The following XPO7 variants were observed in gnomAD, a reference collection of about 807,000 sequenced individuals.
XPO7 encodes exportin 7.
A neutral mutation model predicts 144.3 loss-of-function variants in XPO7; 21 were observed. The observed-to-expected ratio is 0.15, with a 90% confidence interval of 0.10 to 0.21. The LOEUF is 0.21. XPO7 is among the 10% of genes least tolerant of loss of function. The pLI, the probability that XPO7 is intolerant of heterozygous loss-of-function variation, is 1.00. For missense variants in XPO7, 808 were observed against 1,325.8 expected (o/e 0.61, Z 6.06); for synonymous variants, 580 against 499.6 (o/e 1.16, Z -2.15).
chr8:21,974,335 G>A (rs1812161140), intron 5 of XPO7, among the ~76,000 whole-genome samples: 1 of 151,968 alleles, frequency 6.6e-6, no homozygotes, highest in Non-Finnish European at 1.5e-5. Context: ...GGCCCATTAA[G>A]CCACAGTACA....
chr8:21,962,299 G>C (rs1426618688), intron 1 of XPO7, among the ~76,000 whole-genome samples: 7 of 152,150 alleles, frequency 4.6e-5, no homozygotes, highest in Admixed American at 2.6e-4. Context: ...TAAACAAGAA[G>C]AAACCTTGAA....
intron 1 of XPO7, among the ~76,000 whole-genome samples, chr8:21,941,220 C>G (rs1051120296): frequency 3.3e-5 from 5 of 151,738 alleles, no homozygotes; most frequent in Non-Finnish European, 7.4e-5. Context: ...TCACTGCTGC[C>G]TTGACCACGC....
At chr8:21,941,013 C>G (rs1468843524) in intron 1 of XPO7, among the ~76,000 whole-genome samples, 1 of 152,072 alleles carries the variant, frequency 6.6e-6, no homozygotes, top group East Asian at 1.9e-4. Context: ...TACAGTCATG[C>G]CTTGGTGTCT....
At chr8:21,927,270 G>A (rs992166202) in intron 1 of XPO7, among the ~76,000 whole-genome samples, 6 of 151,896 alleles carry the variant, frequency 4.0e-5, no homozygotes, top group Non-Finnish European at 7.4e-5. Context: ...AATAAAATAA[G>A]GACATTATCC....
Position 21,971,347 on chromosome 8 carries a change from C to T in XPO7, c.427-529C>T, listed in dbSNP as rs187844455. The stretch of plus-strand genomic sequence containing the variant: ...ACAGTTGATAAGAGGACCTGCTTAC[C>T]TCAGCCCTGGAAGCTAAACTTAATT... On this transcript the variant is annotated intron_variant, in intron 4 of 27. Coordinates refer to ENST00000252512, the MANE Select transcript of XPO7 (RefSeq NM_015024.5). 2.3e-3 allele frequency among the ~76,000 whole-genome samples: 345 copies of T among 152,306 alleles called. 1 individual carries two copies. Among genetic ancestry groups the T allele is most frequent in the African/African-American group, 8.0e-3 (333 of 41,570 alleles).
chr8:22,004,525 C>T (rs1193947334), intron 27 of XPO7, among the ~76,000 whole-genome samples: 1 of 152,032 alleles, frequency 6.6e-6, no homozygotes, highest in Non-Finnish European at 1.5e-5. Flanking sequence ...TAAAACAAGG[C>T]ATTTTAATTT....
rs768491704 is a variant in XPO7, at chr8:22,004,982, A to T, written c.3171-13A>T. 1 of 1,516,088 alleles carries T rather than the reference A, an allele frequency of 6.6e-7. No individual in the cohort carries two copies. Among genetic ancestry groups the T allele is most frequent in the South Asian group, 1.1e-5 (1 of 87,036 alleles). 93.9% of individuals were successfully genotyped at this position (1,516,088 alleles called of 1,614,324 possible). ...CACTCTCCTCCCCCAACCCACATGC[A>T]TCCTCTCTGCAGGTTCACCCAGAAC... On this transcript the variant is annotated splice_polypyrimidine_tract_variant and intron_variant, in intron 27 of 27. Transcript: ENST00000252512.
At chr8:21,948,271 C>T (rs1811256734) in intron 1 of XPO7, among the ~76,000 whole-genome samples, 1 of 152,174 alleles carries the variant, frequency 6.6e-6, no homozygotes, top group African/African-American at 2.4e-5. Flanking sequence ...TTCCTGTTGC[C>T]TAGTGACATA....
intron 1 of XPO7, among the ~76,000 whole-genome samples, chr8:21,963,725 C>T (rs1485012628): frequency 6.6e-6 from 1 of 151,692 alleles, no homozygotes; most frequent in South Asian, 2.1e-4. Context: ...AACCATTGGG[C>T]TATTTAAAGA....
At chr8:21,949,645 A>G (rs1430181182) in intron 1 of XPO7, among the ~76,000 whole-genome samples, 1 of 152,224 alleles carries the variant, frequency 6.6e-6, no homozygotes, top group Non-Finnish European at 1.5e-5. Flanking sequence ...TCTTTCCCCC[A>G]TATAACAACA....
At chr8:21,936,499 A>T (rs1379586216) in intron 1 of XPO7, among the ~76,000 whole-genome samples, 1 of 152,250 alleles carries the variant, frequency 6.6e-6, no homozygotes, top group Non-Finnish European at 1.5e-5. Context: ...TCAAAAGATT[A>T]ATCTCCCAAT....
At chr8:21,926,976 C>T (rs1277535135) in intron 1 of XPO7, among the ~76,000 whole-genome samples, 1 of 152,152 alleles carries the variant, frequency 6.6e-6, no homozygotes, top group Non-Finnish European at 1.5e-5. Context: ...ACCTTGTTTT[C>T]CTTAGTCTTA....
chr8:21,936,142 C>G (rs1288229837), intron 1 of XPO7, among the ~76,000 whole-genome samples: 4 of 152,172 alleles, frequency 2.6e-5, no homozygotes, highest in African/African-American at 9.7e-5. Context: ...AACCCTACCT[C>G]TGCTAAAATT....
Position 21,982,672 on chromosome 8 carries a change from T to C in XPO7, c.1137T>C (p.Tyr379=), listed in dbSNP as rs2117360875. Residue 379 remains tyrosine, a synonymous_variant, in exon 11 of 28, where the codon TAT becomes TAC. Transcript: ENST00000252512. ...HWEFAPNSVH[Y]LLSLWQRLAA... ...AATTTGCTCCAAATAGTGTGCACTA[T>C]CTTCTGAGCCTGTGGCAGCGGCTGG... 1.2e-6 allele frequency: 2 copies of C among 1,606,182 alleles called. No individual in the cohort carries two copies. The highest frequency in any genetic ancestry group is 2.2e-5 in the South Asian group (2 of 89,664).
intron 1 of XPO7, among the ~76,000 whole-genome samples, chr8:21,950,092 G>A (rs558772897): frequency 6.6e-6 from 1 of 152,210 alleles, no homozygotes; most frequent in African/African-American, 2.4e-5. Context: ...GTATTGTTCA[G>A]TTCTGAACTT....
At position 21,998,795 on chromosome 8, in the gene XPO7, A is replaced by G; in HGVS notation, c.2386A>G (p.Ile796Val). 2.5e-6 allele frequency: 4 copies of G among 1,613,964 alleles called. No homozygotes were observed. Among genetic ancestry groups the G allele is most frequent in the Non-Finnish European group, 3.4e-6 (4 of 1,179,882 alleles). ...LQFDVSSPNG[I>V]LLFRETSKMI... ...GTTTGATGTCTCTTCCCCCAATGGC[A>G]TCTTACTCTTCCGAGAAACCAGCAA... The change falls in exon 22 of 28, where the codon ATC becomes GTC. Residue 796 changes from isoleucine (I) to valine (V), a missense_variant. Coordinates refer to ENST00000252512, the MANE Select transcript of XPO7 (RefSeq NM_015024.5).
chr8:21,962,048 GT>G (rs1462154052), intron 1 of XPO7, among the ~76,000 whole-genome samples: 2 of 152,186 alleles, frequency 1.3e-5, no homozygotes, highest in Admixed American at 1.3e-4. Flanking sequence ...CTTTTCATTT[GT>G]TTATTGGCTG....
At chr8:21,982,881 C>A (rs538496847) in intron 11 of XPO7, 69 bp downstream of exon 11, 152 of 1,503,920 alleles carry the variant, frequency 1.0e-4, no homozygotes, top group Non-Finnish European at 1.3e-4. Context: ...AGATCAGACA[C>A]CCCATTGGCA....
At chr8:21,981,562 A>T (rs984232612) in intron 9 of XPO7, among the ~76,000 whole-genome samples, 169 bp from the exon 10 acceptor site, 2 of 152,224 alleles carry the variant, frequency 1.3e-5, no homozygotes, top group Non-Finnish European at 2.9e-5. Context: ...GTGACTTTAA[A>T]AAATTGTTTC....
Sources: allele counts gnomAD v4.1 joint callset (sites outside exome capture counted in the v4.1 genomes callset), GRCh38; gene constraint gnomAD v4.1.1; transcripts MANE v1.5; gene names NCBI Gene and HGNC (gene_info 2026-07-23, HGNC 2026-07-21).